CAV3: variants seen among roughly 807,000 people sequenced by gnomAD.
The protein encoded by CAV3 is caveolin 3.
In CAV3, 10 loss-of-function variants were observed where a neutral mutation model predicts 13.4. The observed-to-expected ratio is 0.75, with a 90% CI of 0.46 to 1.27. CAV3 has a LOEUF of 1.27. Among genes scored for constraint, CAV3 ranks in the 50% most tolerant of loss-of-function variants. The probability of loss-of-function intolerance (pLI) is 0.00; values close to 1 mark genes in which losing one functional copy is unlikely to be tolerated. For missense variants in CAV3, 162 were observed against 194.0 expected (o/e 0.83, Z 0.98); for synonymous variants, 90 against 79.0 (o/e 1.14, Z -0.74).
intron 1 of CAV3, among the ~76,000 whole-genome samples, chr3:8,740,240 G>T (rs1707911259): frequency 2.0e-5 from 3 of 152,232 alleles, no homozygotes; most frequent in Admixed American, 6.5e-5. Context: ...CATCCTTTCT[G>T]CCACATTCTT....
At chr3:8,744,445 ATTTTT>A (rs141816229) in intron 1 of CAV3, among the ~76,000 whole-genome samples, 7,376 of 111,428 alleles carry the variant, frequency 0.066, 180 homozygotes, top group Non-Finnish European at 0.085. Context: ...TACCCGGCTA[ATTTTT>A]TTTTTTTTTT....
intron 1 of CAV3, among the ~76,000 whole-genome samples, chr3:8,737,708 G>C (rs1399127917): frequency 6.6e-6 from 1 of 152,136 alleles, no homozygotes; most frequent in African/African-American, 2.4e-5. Flanking sequence ...GTTCAGCACA[G>C]GCAATGTGCT....
intron 1 of CAV3, among the ~76,000 whole-genome samples, chr3:8,743,568 T>C (rs1708048087): frequency 6.6e-6 from 1 of 152,110 alleles, no homozygotes; most frequent in Admixed American, 6.5e-5. Context: ...ACAAGGAAGG[T>C]CCTGGGAGGT....
intron 1 of CAV3, among the ~76,000 whole-genome samples, chr3:8,739,817 C>T (rs139138624): frequency 6.5e-4 from 99 of 152,168 alleles, no homozygotes; most frequent in African/African-American, 2.3e-3. Context: ...TTTTTTATTT[C>T]TCACAGTTCT....
chr3:8,741,802 C>A (rs952563097), intron 1 of CAV3, among the ~76,000 whole-genome samples: 2 of 152,094 alleles, frequency 1.3e-5, no homozygotes, highest in Non-Finnish European at 2.9e-5. Flanking sequence ...TCAAGCAATC[C>A]CCCGCCCTGC....
At chr3:8,741,325 T>A (rs935390224) in intron 1 of CAV3, among the ~76,000 whole-genome samples, 3 of 152,220 alleles carry the variant, frequency 2.0e-5, no homozygotes, top group African/African-American at 7.2e-5. Flanking sequence ...AATTACTGCA[T>A]CAAATTTCTA....
Position 8,746,013 on chromosome 3 carries a change from C to G in CAV3, c.*146C>G, listed in dbSNP as rs1339682997. The G allele has an allele frequency of 1.7e-5, 11 of 650,668 alleles. No homozygotes were observed. Among genetic ancestry groups the G allele is most frequent in the Non-Finnish European group, 5.2e-6 (2 of 385,942 alleles). The allele number at this position is 650,668 out of a possible 1,614,324, so 40.3% of individuals were successfully genotyped here. Reference sequence around the variant, plus strand: ...TGATGGAGCACACGGTGTAGGGAAGCCAGAAAGAAAAGACGGCCCAGCCAC... The same window carrying G: ...TGATGGAGCACACGGTGTAGGGAAGGCAGAAAGAAAAGACGGCCCAGCCAC... On this transcript the variant is annotated 3_prime_UTR_variant, in exon 2 of 2. Coordinates refer to ENST00000343849, the MANE Select transcript of CAV3 (RefSeq NM_033337.3).
Position 8,745,071 on chromosome 3 carries a change from G to GT in CAV3, c.115-454dup, listed in dbSNP as rs1559653595. The GT allele has an allele frequency of 5.9e-6, 1 of 170,676 alleles. No individual in the cohort carries two copies. The highest frequency in any genetic ancestry group is 1.3e-5 in the Non-Finnish European group (1 of 78,164). The allele number at this position is 170,676 out of a possible 1,614,324, so 10.6% of individuals were successfully genotyped here. A position where few individuals can be genotyped will look rare whatever the true frequency, so the allele number is the denominator to read the frequency against. Reference sequence around the variant, plus strand: ...TATTGGAGGTGGGGCCGGGTGGGAGGTGATCGGATCACAGAGGCAGATCCC... The same window carrying GT: ...TATTGGAGGTGGGGCCGGGTGGGAGGTTGATCGGATCACAGAGGCAGATCCC... On this transcript the variant is annotated intron_variant, in intron 1 of 1. Transcript: ENST00000343849. This position sits in a 1 kb window ranked among gnomAD's most constrained non-coding sequence, Gnocchi z 4.8.
At chr3:8,741,265 G>T (rs1334977812) in intron 1 of CAV3, among the ~76,000 whole-genome samples, 7 of 152,146 alleles carry the variant, frequency 4.6e-5, no homozygotes, top group Admixed American at 3.9e-4. Context: ...AATGAAAACA[G>T]CCGTACAGTT....
rs190490095 is a variant in CAV3, at chr3:8,746,465, G to A, written c.*598G>A. ...TCTATTGTTTGCTGGAACCGTACAC[G>A]TTCCTTGGAAGATCATGTTTAAGTG... On this transcript the variant is annotated 3_prime_UTR_variant, in exon 2 of 2. Transcript: ENST00000343849. 1 of 152,572 alleles carries A rather than the reference G, an allele frequency of 6.6e-6. No homozygotes were observed. The highest frequency in any genetic ancestry group is 6.5e-5 in the Admixed American group (1 of 15,346). 9.5% of individuals were successfully genotyped at this position (152,572 alleles called of 1,614,324 possible). A position where few individuals can be genotyped will look rare whatever the true frequency, so the allele number is the denominator to read the frequency against.
chr3:8,735,305 A>C (rs1707715485), intron 1 of CAV3, among the ~76,000 whole-genome samples: 1 of 152,250 alleles, frequency 6.6e-6, no homozygotes, highest in Non-Finnish European at 1.5e-5. Context: ...TGTAAGCAAT[A>C]TAAAACAATT....
At chr3:8,743,853 T>C (rs1168864787) in intron 1 of CAV3, among the ~76,000 whole-genome samples, 1 of 152,250 alleles carries the variant, frequency 6.6e-6, no homozygotes, top group Non-Finnish European at 1.5e-5. Context: ...TCTTTAGTAA[T>C]AGAGAAGTAC....
intron 1 of CAV3, among the ~76,000 whole-genome samples, chr3:8,737,285 G>A (rs1410036947): frequency 6.6e-6 from 1 of 152,204 alleles, no homozygotes; most frequent in Non-Finnish European, 1.5e-5. Context: ...CCTGGCTACA[G>A]ACTCAAGTTC....
At chr3:8,739,948 C>T (rs1376113410) in intron 1 of CAV3, among the ~76,000 whole-genome samples, 1 of 152,104 alleles carries the variant, frequency 6.6e-6, no homozygotes, top group East Asian at 1.9e-4. Context: ...CTAGAACATC[C>T]AAGATGGTTC....
intron 1 of CAV3, among the ~76,000 whole-genome samples, chr3:8,737,921 A>G (rs1707814204): frequency 6.6e-6 from 1 of 152,072 alleles, no homozygotes; most frequent in African/African-American, 2.4e-5. Flanking sequence ...GCCACCCCAC[A>G]GTGCCTCCAA....
intron 1 of CAV3, among the ~76,000 whole-genome samples, chr3:8,739,477 A>T (rs1223236869): frequency 6.6e-6 from 1 of 151,100 alleles, no homozygotes; most frequent in Non-Finnish European, 1.5e-5. Context: ...AAAAAGAGCC[A>T]GGTGTAGTGG....
chr3:8,733,808 C>A lies in CAV3; in HGVS notation c.-69C>A. On this transcript the variant is annotated 5_prime_UTR_variant, in exon 1 of 2. Transcript: ENST00000343849. The stretch of plus-strand genomic sequence containing the variant: ...GGGGACACTGAATTGGTCTCTCTGC[C>A]CCAAGTATTTTCAGCCCCAGCCGGC... 1.1e-6 allele frequency: 1 copy of A among 924,016 alleles called. No homozygotes were observed. The highest frequency in any genetic ancestry group is 1.8e-6 in the Non-Finnish European group (1 of 562,786). The allele number at this position is 924,016 out of a possible 1,614,324, so 57.2% of individuals were successfully genotyped here.
intron 1 of CAV3, among the ~76,000 whole-genome samples, chr3:8,739,621 CAA>C (rs35987481): frequency 7.1e-4 from 90 of 126,166 alleles, no homozygotes; most frequent in Non-Finnish European, 6.3e-4. Context: ...ATTCCTTCTC[CAA>C]AAAAAAAAAA....
rs992397443 is a variant in CAV3, at chr3:8,745,396, A to G, written c.115-130A>G. On this transcript the variant is annotated intron_variant, in intron 1 of 1. Coordinates refer to ENST00000343849, the MANE Select transcript of CAV3 (RefSeq NM_033337.3). The surrounding 1 kb of genome is among the most constrained non-coding windows in gnomAD (Gnocchi z 4.8). ...TTTAAAGCAATGCAAGAATAGCCTA[A>G]TACAGGTAGGGTCCAGCCACCAAGG... The G allele has an allele frequency of 5.6e-6, 4 of 710,290 alleles. No individual in the cohort carries two copies. The East Asian group carries it at 1.1e-4, about 19-fold the overall frequency. 44.0% of individuals were successfully genotyped at this position (710,290 alleles called of 1,614,324 possible).
Sources: gnomAD v4.1 joint callset for allele counts (sites outside exome capture counted in the v4.1 genomes callset) on GRCh38, gnomAD v4.1.1 for gene constraint, Gnocchi (gnomAD v3.1) non-coding constraint, MANE v1.5 for transcripts, NCBI Gene and HGNC (gene_info 2026-07-23, HGNC 2026-07-21) for gene names.